Variants in MTA3 observed in about 807,000 individuals in gnomAD.
MTA3 encodes metastasis associated 1 family member 3, also known as metastasis-associated protein MTA3.
Under a neutral mutation model 83.5 loss-of-function variants are expected in MTA3, and 34 were observed. That is an observed-to-expected ratio of 0.41 (90% CI 0.31 to 0.54). MTA3 has a LOEUF of 0.54. MTA3 is among the 20% of genes least tolerant of loss of function. MTA3 has a pLI of 0.33. For missense variants in MTA3, 761 were observed against 726.4 expected (o/e 1.05, Z -0.55); for synonymous variants, 303 against 252.7 (o/e 1.20, Z -1.89).
chr2:42,551,186 T>A (rs7584524), intron 2 of MTA3, among the ~76,000 whole-genome samples: 1 of 151,778 alleles, frequency 6.6e-6, no homozygotes, highest in Admixed American at 6.6e-5. Context: ...TCTTTTTTTT[T>A]TTTGTTTGTT....
At chr2:42,709,472 C>A in intron 14 of MTA3, 1 of 283,432 alleles carries the variant, frequency 3.5e-6, no homozygotes, top group South Asian at 4.8e-5. Context: ...AATGAGACTC[C>A]ATAATCGAGA....
intron 2 of MTA3, among the ~76,000 whole-genome samples, chr2:42,571,386 CAAAAAA>C (rs34003791): frequency 3.1e-5 from 2 of 63,806 alleles, no homozygotes; most frequent in Admixed American, 3.8e-4. Flanking sequence ...AACACTGTCT[CAAAAAA>C]AAAAAAAAAA....
At chr2:42,507,236 A>G (rs1367896344) in intron 2 of MTA3, among the ~76,000 whole-genome samples, 4 of 151,966 alleles carry the variant, frequency 2.6e-5, no homozygotes, top group Admixed American at 6.6e-5. Context: ...GAGTGGCACA[A>G]TCACAGCTCA....
chr2:42,681,949 C>G (rs1050046466), intron 8 of MTA3, among the ~76,000 whole-genome samples: 21 of 151,732 alleles, frequency 1.4e-4, no homozygotes, highest in African/African-American at 4.8e-4. Context: ...TAAAGGAGAC[C>G]TAATCCTAGT....
At chr2:42,695,592 G>A (rs1038665642) in intron 9 of MTA3, among the ~76,000 whole-genome samples, 173 bp from the exon 10 acceptor site, 3 of 116,076 alleles carry the variant, frequency 2.6e-5, no homozygotes, top group African/African-American at 1.0e-4. Flanking sequence ...CTGACATCGC[G>A]CCACTGCACT....
intron 15 of MTA3, among the ~76,000 whole-genome samples, chr2:42,721,881 C>T (rs1436246958): frequency 1.3e-5 from 2 of 151,924 alleles, no homozygotes; most frequent in East Asian, 3.9e-4. Flanking sequence ...GCAAACTTGT[C>T]ATGTCATGTT....
chr2:42,520,707 A>G lies in MTA3; in HGVS notation c.-141+25453A>G, dbSNP rs569228590. 1.3e-3 allele frequency among the ~76,000 whole-genome samples: 198 copies of G among 152,164 alleles called. 1 individual carries two copies. Among genetic ancestry groups the G allele is most frequent in the African/African-American group, 4.6e-3 (189 of 41,518 alleles). On this transcript the variant is annotated intron_variant, in intron 2 of 17. Coordinates refer to the MTA3 transcript ENST00000405592. ...CAACGTCCCAAGTAGCTAGGACTAC[A>G]GGTGTGCACCACCACACCGGGCTAA... is the stretch of plus-strand genomic sequence containing the variant.
At chr2:42,671,119 G>C (rs1470188801) in intron 8 of MTA3, among the ~76,000 whole-genome samples, 1 of 152,098 alleles carries the variant, frequency 6.6e-6, no homozygotes, top group Non-Finnish European at 1.5e-5. Context: ...ATTTTGAAGA[G>C]TGCAGGCCAC....
Position 42,753,775 on chromosome 2 carries a change from A to C in MTA3, c.*376A>C. On this transcript the variant is annotated 3_prime_UTR_variant, in exon 17 of 17. Transcript: ENST00000405094. ...AAGCTCAGAGCCGCTGCCACCCTGC[A>C]TGTGTCCGCTCAGCTCGGTCTTATG... The C allele has an allele frequency of 8.9e-7, 1 of 1,122,960 alleles. No individual in the cohort carries two copies. The highest frequency in any genetic ancestry group is 1.1e-6 in the Non-Finnish European group (1 of 911,510). The allele number at this position is 1,122,960 out of a possible 1,614,324, so 69.6% of individuals were successfully genotyped here. A position where few individuals can be genotyped will look rare whatever the true frequency, so the allele number is the denominator to read the frequency against.
At chr2:42,647,155 T>TAAAAAAAAAAAAAACA (rs1553373420) in intron 6 of MTA3, among the ~76,000 whole-genome samples, 1 of 92,052 alleles carries the variant, frequency 1.1e-5, no homozygotes, top group Non-Finnish European at 2.0e-5. Flanking sequence ...AGACTCTGTC[T>TAAAAAAAAAAAAAACA]AAAAAAAAAA....
rs751729824 is a variant in MTA3, at chr2:42,721,412, C to T, written c.1613-1477C>T. ...TCTCCATCTTGGCTCACTGCAACCT[C>T]CACTTCCCAGGCTCAGGTGATCCTC... On this transcript the variant is annotated intron_variant, in intron 15 of 16. Transcript: ENST00000405094. 1.3e-5 allele frequency among the ~76,000 whole-genome samples: 2 copies of T among 151,678 alleles called. 1 individual carries two copies. The highest frequency in any genetic ancestry group is 4.8e-5 in the African/African-American group (2 of 41,320).
chr2:42,720,121 CT>C (rs1356295291), intron 15 of MTA3, among the ~76,000 whole-genome samples: 1 of 152,000 alleles, frequency 6.6e-6, no homozygotes, highest in East Asian at 1.9e-4. Context: ...CTCAAAGCTT[CT>C]TCTTTGATGT....
chr2:42,722,797 A>T, intron 15 of MTA3, 92 bp from the exon 16 acceptor site: 2 of 1,415,448 alleles, frequency 1.4e-6, no homozygotes, highest in Non-Finnish European at 1.9e-6. Flanking sequence ...TCAGCTCATT[A>T]AGAAATAAGA....
intron 3 of MTA3, among the ~76,000 whole-genome samples, chr2:42,605,228 C>A (rs1683123429): frequency 7.6e-6 from 1 of 131,718 alleles, no homozygotes; most frequent in African/African-American, 2.8e-5. Context: ...CCCCCCCCAC[C>A]TCCCTCCCGG....
At chr2:42,695,665 A>AAAAAAAT in intron 9 of MTA3, 100 bp from the exon 10 acceptor site, 1 of 374,046 alleles carries the variant, frequency 2.7e-6, no homozygotes, top group Non-Finnish European at 4.8e-6. Flanking sequence ...AAAAAAAGAA[A>AAAAAAAT]GTGGTGGTTT....
chr2:42,602,095 C>T (rs780930902), intron 3 of MTA3, among the ~76,000 whole-genome samples: 3 of 152,190 alleles, frequency 2.0e-5, no homozygotes, highest in Admixed American at 6.5e-5. Flanking sequence ...CCCATCTTGG[C>T]CCCCCAAAGT....
intron 2 of MTA3, among the ~76,000 whole-genome samples, chr2:42,562,748 G>T (rs574455785): frequency 6.6e-6 from 1 of 152,128 alleles, no homozygotes; most frequent in Non-Finnish European, 1.5e-5. Context: ...GGGCTCTGGG[G>T]TGATGGTAAC....
At chr2:42,573,327 G>T (rs943068748) in intron 2 of MTA3, among the ~76,000 whole-genome samples, 2 of 152,098 alleles carry the variant, frequency 1.3e-5, no homozygotes, top group Non-Finnish European at 2.9e-5. Context: ...AATATCCCAG[G>T]GAATTTGCAT....
chr2:42,674,966 TTTAA>T (rs943537911), intron 8 of MTA3, among the ~76,000 whole-genome samples: 1 of 151,762 alleles, frequency 6.6e-6, no homozygotes, highest in Admixed American at 6.6e-5. Context: ...ATTAAAATTT[TTTAA>T]TTAATTAAAT....
Sources: allele counts gnomAD v4.1 joint callset (sites outside exome capture counted in the v4.1 genomes callset), GRCh38; gene constraint gnomAD v4.1.1; transcripts MANE v1.5; gene names NCBI Gene and HGNC (gene_info 2026-07-23, HGNC 2026-07-21).